RBFOX2: variants seen among roughly 807,000 people sequenced by gnomAD.
RBFOX2 encodes the protein RNA binding protein fox-1 homolog 2.
Under a neutral mutation model 49.1 loss-of-function variants are expected in RBFOX2, and 10 were observed. The observed-to-expected ratio is 0.20, with a 90% CI of 0.13 to 0.35. The LOEUF is 0.35. RBFOX2 is among the 10% of genes least tolerant of loss of function. The pLI, the probability that RBFOX2 is intolerant of heterozygous loss-of-function variation, is 1.00. For synonymous variants in RBFOX2, 183 were observed against 187.4 expected (o/e 0.98, Z 0.19); for missense variants, 323 against 486.9 (o/e 0.66, Z 3.17).
At chr22:35,915,270 T>C (rs1270204767) in intron 1 of RBFOX2, among the ~76,000 whole-genome samples, 1 of 152,134 alleles carries the variant, frequency 6.6e-6, no homozygotes, top group African/African-American at 2.4e-5. Flanking sequence ...CCCTGCCAAA[T>C]CCATTGGGAA....
At chr22:35,868,803 A>G (rs1304994639) in intron 1 of RBFOX2, among the ~76,000 whole-genome samples, 3 of 152,222 alleles carry the variant, frequency 2.0e-5, no homozygotes, top group Non-Finnish European at 4.4e-5. Flanking sequence ...CGAGACTCAA[A>G]ATAAAGATTA....
In RBFOX2 at chr22:36,017,717, G is replaced by A. The variant is rs920472507; in HGVS notation, c.186+10523C>T. 3.3e-5 allele frequency among the ~76,000 whole-genome samples: 5 copies of A among 152,136 alleles called. No homozygotes were observed. The East Asian group carries it at 5.8e-4, about 18-fold the overall frequency. On this transcript the variant is annotated intron_variant, in intron 1 of 13. Coordinates refer to the RBFOX2 transcript ENST00000438146. ...AGGTAAATCAACAGCCTGCTCCAGC[G>A]AACTGGAACAGGTTGGCTCTAATTG...
At chr22:35,964,501 C>T (rs1333440599), upstream of RBFOX2, among the ~76,000 whole-genome samples, 1 of 152,140 alleles carries the variant, frequency 6.6e-6, no homozygotes, top group Non-Finnish European at 1.5e-5. Flanking sequence ...CTTCAGATAA[C>T]ATTCTGGAAT....
intron 1 of RBFOX2, among the ~76,000 whole-genome samples, chr22:35,982,443 T>C (rs747103342): frequency 1.9e-4 from 29 of 152,130 alleles, no homozygotes; most frequent in South Asian, 6.2e-4. Context: ...GGTACCAGTC[T>C]CCCTACTACA....
At chr22:35,906,792 C>A (rs2049171529) in intron 1 of RBFOX2, among the ~76,000 whole-genome samples, 1 of 152,034 alleles carries the variant, frequency 6.6e-6, no homozygotes, top group African/African-American at 2.4e-5. Context: ...CCCAGCCTGG[C>A]CAACAGAGCA....
intron 1 of RBFOX2, among the ~76,000 whole-genome samples, chr22:35,928,983 T>G (rs748919676): frequency 2.6e-5 from 4 of 152,058 alleles, no homozygotes; most frequent in Admixed American, 6.5e-5. Flanking sequence ...TGAGGCCACG[T>G]TGTCTCAAGC....
chr22:35,897,537 T>C (rs2048009994), intron 1 of RBFOX2: 14 of 839,006 alleles, frequency 1.7e-5, no homozygotes, highest in Admixed American at 1.5e-4. Flanking sequence ...CGGGAGGAAG[T>C]ACCCCTTTGC....
chr22:35,828,445 G>C (rs1321096211), intron 1 of RBFOX2, among the ~76,000 whole-genome samples: 1 of 152,186 alleles, frequency 6.6e-6, no homozygotes, highest in Non-Finnish European at 1.5e-5. Context: ...AGACAGCACA[G>C]GGGACGGTAC....
intron 1 of RBFOX2, among the ~76,000 whole-genome samples, chr22:35,925,170 C>G (rs1205365226): frequency 6.6e-6 from 1 of 151,296 alleles, no homozygotes; most frequent in Non-Finnish European, 1.5e-5. Flanking sequence ...CCAGCCTGGG[C>G]AACAGAGCAA....
chr22:35,855,976 G>A (rs898674978), intron 1 of RBFOX2, among the ~76,000 whole-genome samples: 183 of 151,310 alleles, frequency 1.2e-3, no homozygotes, highest in Admixed American at 0.012. Flanking sequence ...CACTGAACTC[G>A]AGCCTAGGAG....
intron 1 of RBFOX2, among the ~76,000 whole-genome samples, chr22:35,902,944 C>T (rs1160436553): frequency 6.6e-6 from 1 of 152,026 alleles, no homozygotes; most frequent in Non-Finnish European, 1.5e-5. Context: ...CCATGAGCCA[C>T]TACACACAAC....
chr22:35,906,793 C>T (rs1036734266), intron 1 of RBFOX2, among the ~76,000 whole-genome samples: 1 of 152,062 alleles, frequency 6.6e-6, no homozygotes, highest in East Asian at 1.9e-4. Context: ...CCAGCCTGGC[C>T]AACAGAGCAA....
intron 1 of RBFOX2, among the ~76,000 whole-genome samples, chr22:35,931,418 G>A (rs971238588): frequency 2.1e-4 from 32 of 152,082 alleles, no homozygotes; most frequent in Admixed American, 1.3e-4. Context: ...TCAGTCTCCA[G>A]CTGGGGGGCC....
intron 1 of RBFOX2, among the ~76,000 whole-genome samples, chr22:35,824,090 A>G (rs968898446): frequency 6.6e-6 from 1 of 152,026 alleles, no homozygotes; most frequent in African/African-American, 2.4e-5. Flanking sequence ...CGGAGGTCAC[A>G]GTGAGCCGAG....
chr22:35,844,720 G>A (rs2040957638), upstream of RBFOX2, among the ~76,000 whole-genome samples: 1 of 148,118 alleles, frequency 6.8e-6, no homozygotes, highest in Non-Finnish European at 1.5e-5. Context: ...TGGCCAGGCT[G>A]GTCTTGAACT....
At chr22:35,857,367 G>T (rs971363171) in intron 1 of RBFOX2, among the ~76,000 whole-genome samples, 2 of 152,134 alleles carry the variant, frequency 1.3e-5, no homozygotes, top group Non-Finnish European at 2.9e-5. Flanking sequence ...ATTAGCAGTA[G>T]GAATAAAGAA....
chr22:35,871,773 T>C lies in RBFOX2; in HGVS notation c.-33-61769A>G, dbSNP rs539456670. Among the ~76,000 whole-genome samples the C allele has an allele frequency of 5.9e-5, 9 of 152,276 alleles. No individual in the cohort carries two copies. The South Asian group carries it at 1.9e-3, about 32-fold the overall frequency. On this transcript the variant is annotated intron_variant, in intron 1 of 13. Transcript: ENST00000359369. ...TCCAAGAGAAACTAGAGTGCCACCATGCACCAAGGCAAGAAGACCAGGTGA... is the reference window on the plus strand; with the variant it reads ...TCCAAGAGAAACTAGAGTGCCACCACGCACCAAGGCAAGAAGACCAGGTGA...
At chr22:36,002,628 C>T (rs1179644189) in intron 1 of RBFOX2, among the ~76,000 whole-genome samples, 1 of 152,112 alleles carries the variant, frequency 6.6e-6, no homozygotes, top group Non-Finnish European at 1.5e-5. Flanking sequence ...AACTTCAGGA[C>T]TCTTCTAGTT....
chr22:35,927,797 G>C (rs1296701864), intron 1 of RBFOX2, among the ~76,000 whole-genome samples: 1 of 152,020 alleles, frequency 6.6e-6, no homozygotes, highest in African/African-American at 2.4e-5. Flanking sequence ...CCAAGAGTCA[G>C]GTAAATAAAC....
Sources: gnomAD v4.1 joint callset for allele counts (sites outside exome capture counted in the v4.1 genomes callset) on GRCh38, gnomAD v4.1.1 for gene constraint, MANE v1.5 for transcripts, NCBI Gene and HGNC (gene_info 2026-07-23, HGNC 2026-07-21) for gene names.